ZZZ3: variants seen among roughly 807,000 people sequenced by gnomAD.
ZZZ3 encodes ZZ-type zinc finger-containing protein 3.
Under a neutral mutation model 95.2 loss-of-function variants are expected in ZZZ3, and 22 were observed. That is an observed-to-expected ratio of 0.23 (90% confidence interval 0.17 to 0.33). The LOEUF (loss-of-function observed/expected upper bound fraction) is 0.33. ZZZ3 is among the 10% of genes least tolerant of loss of function. The probability of loss-of-function intolerance (pLI) is 1.00; values close to 1 mark genes in which losing one functional copy is unlikely to be tolerated. For synonymous variants in ZZZ3, 335 were observed against 358.9 expected (o/e 0.93, Z 0.75); for missense variants, 885 against 1,066.5 (o/e 0.83, Z 2.37).
chr1:77,628,199 G>A (rs375720424), intron 5 of ZZZ3, among the ~76,000 whole-genome samples: 25 of 152,154 alleles, frequency 1.6e-4, no homozygotes, highest in African/African-American at 6.0e-4. Context: ...GGCTATTTAA[G>A]CCTAAAAAGA....
At chr1:77,599,244 T>C (rs373781370) in intron 5 of ZZZ3, among the ~76,000 whole-genome samples, 1 of 152,062 alleles carries the variant, frequency 6.6e-6, no homozygotes, top group South Asian at 2.1e-4. Flanking sequence ...GAAATTATTA[T>C]ATAGCTATTT....
intron 5 of ZZZ3, among the ~76,000 whole-genome samples, chr1:77,606,419 G>A (rs575322527): frequency 3.3e-5 from 5 of 152,204 alleles, no homozygotes; most frequent in African/African-American, 4.8e-5. Context: ...GGAACTCACC[G>A]CCCTGAAGGG....
chr1:77,598,563 T>C (rs368506831), intron 5 of ZZZ3, among the ~76,000 whole-genome samples: 11 of 152,278 alleles, frequency 7.2e-5, no homozygotes, highest in African/African-American at 2.6e-4. Flanking sequence ...AGGTACATAT[T>C]TAAGATTGCA....
At chr1:77,620,201 G>A (rs915306937) in intron 5 of ZZZ3, among the ~76,000 whole-genome samples, 1 of 152,144 alleles carries the variant, frequency 6.6e-6, no homozygotes, top group African/African-American at 2.4e-5. Flanking sequence ...GGCATATGAG[G>A]AGGGCCTAGA....
chr1:77,619,754 T>C (rs6662245), intron 5 of ZZZ3, among the ~76,000 whole-genome samples: 4,010 of 152,256 alleles, frequency 0.026, 56 homozygotes, highest in Middle Eastern at 0.078. Context: ...GAGACTCCTC[T>C]TATATGTCTC....
intron 1 of ZZZ3, among the ~76,000 whole-genome samples, chr1:77,672,817 T>C (rs1200399608): frequency 6.6e-6 from 1 of 152,218 alleles, no homozygotes; most frequent in Non-Finnish European, 1.5e-5. Context: ...GAAGTAACTC[T>C]ATAACCATTA....
At chr1:77,650,577 G>A (rs1011669365) in intron 1 of ZZZ3, among the ~76,000 whole-genome samples, 2 of 150,558 alleles carry the variant, frequency 1.3e-5, no homozygotes, top group African/African-American at 4.9e-5. Context: ...AACAGCAAAA[G>A]CAGTATTTAC....
intron 11 of ZZZ3, among the ~76,000 whole-genome samples, chr1:77,577,237 G>A (rs1225548052): frequency 6.6e-6 from 1 of 152,048 alleles, no homozygotes; most frequent in East Asian, 1.9e-4. Flanking sequence ...CCAAAATACA[G>A]TACACCTAAG....
At chr1:77,623,042 C>A (rs1667027624) in intron 5 of ZZZ3, among the ~76,000 whole-genome samples, 2 of 152,142 alleles carry the variant, frequency 1.3e-5, no homozygotes, top group Non-Finnish European at 2.9e-5. Context: ...GCCATCCTGC[C>A]ATCCACAACT....
intron 1 of ZZZ3, among the ~76,000 whole-genome samples, chr1:77,649,432 A>G (rs1338300586): frequency 6.6e-6 from 1 of 152,204 alleles, no homozygotes; most frequent in Non-Finnish European, 1.5e-5. Flanking sequence ...AATTATTTCA[A>G]ACTTAAAATA....
chr1:77,675,060 A>T (rs1019582561), intron 1 of ZZZ3, among the ~76,000 whole-genome samples: 5 of 152,236 alleles, frequency 3.3e-5, no homozygotes, highest in African/African-American at 1.2e-4. Context: ...GTGGAGAGTT[A>T]ATATAGAGAA....
intron 5 of ZZZ3, among the ~76,000 whole-genome samples, chr1:77,625,730 C>T (rs1667272904): frequency 6.6e-6 from 1 of 152,066 alleles, no homozygotes; most frequent in African/African-American, 2.4e-5. Flanking sequence ...TGGCTCACAC[C>T]TGTAATCCCA....
intron 1 of ZZZ3, among the ~76,000 whole-genome samples, chr1:77,656,252 A>C (rs1210255231): frequency 6.6e-6 from 1 of 152,240 alleles, no homozygotes; most frequent in African/African-American, 2.4e-5. Context: ...TAAATTTGTC[A>C]GTTAAATTTA....
Position 77,632,620 on chromosome 1 carries a change from C to G in ZZZ3, c.735G>C (p.Thr245=). ...QEKSVAENGD[T]DTQTSMFLDS... ...CAAGGAACATTGAAGTTTGGGTATCCGTATCCCCATTTTCAGCTACTGATT... is the reference window on the plus strand; with the variant it reads ...CAAGGAACATTGAAGTTTGGGTATCGGTATCCCCATTTTCAGCTACTGATT... Residue 245 remains threonine, a synonymous_variant, in exon 5 of 15, where the codon ACG becomes ACC. Transcript: ENST00000370801. 6.2e-7 allele frequency: 1 copy of G among 1,614,106 alleles called. No homozygotes were observed. The highest frequency in any genetic ancestry group is 8.5e-7 in the Non-Finnish European group (1 of 1,180,006).
chr1:77,581,806 A>G lies in ZZZ3; in HGVS notation c.1878T>C (p.Asp626=). 6.2e-7 allele frequency: 1 copy of G among 1,614,032 alleles called. No homozygotes were observed. Among genetic ancestry groups the G allele is most frequent in the African/African-American group, 1.3e-5 (1 of 75,062 alleles). ...SLSYSMLPLS[D]GPEGSSSRPQ... ...GACGACTGCTTGAGCCTTCTGGACC[A>G]TCACTCAAAGGCAACATAGAATATG... Residue 626 remains aspartate, a synonymous_variant, in exon 8 of 15, where the codon GAT becomes GAC. Coordinates refer to ENST00000370801, the MANE Select transcript of ZZZ3 (RefSeq NM_015534.6).
At chr1:77,652,422 A>T (rs551713149) in intron 1 of ZZZ3, among the ~76,000 whole-genome samples, 1 of 152,340 alleles carries the variant, frequency 6.6e-6, no homozygotes, top group African/African-American at 2.4e-5. Flanking sequence ...TAGTATTGCT[A>T]TAATAAAAAA....
chr1:77,575,435 A>C (rs1661832001), intron 12 of ZZZ3, among the ~76,000 whole-genome samples: 1 of 152,234 alleles, frequency 6.6e-6, no homozygotes, highest in African/African-American at 2.4e-5. Context: ...AACGTGAAGT[A>C]GTCCTGCCCA....
At chr1:77,585,383 C>T (rs868594019) in intron 5 of ZZZ3, among the ~76,000 whole-genome samples, 3 of 152,176 alleles carry the variant, frequency 2.0e-5, no homozygotes, top group Non-Finnish European at 2.9e-5. Flanking sequence ...CACTACAATA[C>T]ATCTATTCTA....
chr1:77,638,769 A>T (rs1270550232), intron 4 of ZZZ3, among the ~76,000 whole-genome samples: 1 of 152,230 alleles, frequency 6.6e-6, no homozygotes, highest in Non-Finnish European at 1.5e-5. Context: ...GCAACTGGAA[A>T]GTGTAACCAA....
Sources: gnomAD v4.1 joint callset for allele counts (sites outside exome capture counted in the v4.1 genomes callset) on GRCh38, gnomAD v4.1.1 for gene constraint, MANE v1.5 for transcripts, NCBI Gene and HGNC (gene_info 2026-07-23, HGNC 2026-07-21) for gene names.